TMPRSS9: variants seen among roughly 807,000 people sequenced by gnomAD.
TMPRSS9 encodes transmembrane serine protease 9.
TMPRSS9 carries 113 observed loss-of-function variants against 111.4 expected under a neutral mutation model. The ratio of observed to expected loss-of-function variants is 1.01; its 90% CI spans 0.87 to 1.19. The LOEUF is 1.19. Ranked by LOEUF, TMPRSS9 falls within the 50% of genes most tolerant of loss-of-function variation. The pLI, the probability that TMPRSS9 is intolerant of heterozygous loss-of-function variation, is 0.00. For synonymous variants in TMPRSS9, 805 were observed against 659.1 expected (o/e 1.22, Z -3.39); for missense variants, 1,803 against 1,513.1 (o/e 1.19, Z -3.18).
At chr19:2,363,343 G>A (rs1259082816) in intron 1 of TMPRSS9, among the ~76,000 whole-genome samples, 4 of 152,182 alleles carry the variant, frequency 2.6e-5, no homozygotes, top group South Asian at 2.1e-4. Flanking sequence ...TTGCAGGAAC[G>A]CTGGAGCATC....
At position 2,426,031 on chromosome 19, in the gene TMPRSS9, T is replaced by G. The variant is rs748777015; in HGVS notation, c.3225T>G (p.Gly1075=). ...GCTGTGGCCGGCCCCACTTCCCAGG[T>G]GTCTATACCCGGGTGGCAGCTGTGA... Residue 1075 remains glycine (G), a synonymous_variant, in exon 18 of 18, where the codon GGT becomes GGG. Transcript: ENST00000648592. The G allele has an allele frequency of 7.5e-6, 12 of 1,608,536 alleles. No individual in the cohort carries two copies. The South Asian group carries it at 1.3e-4, about 18-fold the overall frequency.
chr19:2,392,569 C>T (rs1424201310), intron 1 of TMPRSS9, among the ~76,000 whole-genome samples: 2 of 152,232 alleles, frequency 1.3e-5, no homozygotes, highest in South Asian at 2.1e-4. Context: ...TAGCCAGGGC[C>T]GGGCGAAGCC....
At chr19:2,412,896 T>G (rs1177334972) in intron 9 of TMPRSS9, among the ~76,000 whole-genome samples, 1 of 152,006 alleles carries the variant, frequency 6.6e-6, no homozygotes, top group Non-Finnish European at 1.5e-5. Context: ...GGCTCATGTT[T>G]AAGAATGTAA....
intron 13 of TMPRSS9, 127 bp downstream of exon 14, chr19:2,418,265 T>G (rs116050180): frequency 0.057 from 38,840 of 680,632 alleles, 1,587 homozygotes; most frequent in Non-Finnish European, 0.063. Context: ...CTTCCCTCCT[T>G]GTCCTTCCCT....
upstream of TMPRSS9, chr19:2,389,734 G>C (rs1161150086): frequency 6.4e-7 from 1 of 1,571,652 alleles, no homozygotes. Flanking sequence ...CTGACCCCGT[G>C]TTTCTGTCTT....
At chr19:2,386,234 G>A (rs1291263252), upstream of TMPRSS9, among the ~76,000 whole-genome samples, 3 of 152,164 alleles carry the variant, frequency 2.0e-5, no homozygotes, top group African/African-American at 7.2e-5. Context: ...GGCCGGGCAC[G>A]GTGGCTCACG....
chr19:2,363,809 C>T (rs917902068), intron 1 of TMPRSS9, among the ~76,000 whole-genome samples: 21 of 112,788 alleles, frequency 1.9e-4, no homozygotes, highest in African/African-American at 5.3e-4. Context: ...TGTGTGCGTG[C>T]GCGCGTGTGT....
chr19:2,405,855 G>A (rs559269972), intron 7 of TMPRSS9, among the ~76,000 whole-genome samples: 11 of 149,816 alleles, frequency 7.3e-5, no homozygotes, highest in South Asian at 4.2e-4. Context: ...ACAGGCGCCC[G>A]CCACCACGCC....
At chr19:2,418,650 CT>C (rs1269567901) in intron 13 of TMPRSS9, among the ~76,000 whole-genome samples, 2 of 4,638 alleles carry the variant, frequency 4.3e-4, no homozygotes, top group East Asian at 5.3e-3. Context: ...CTTTCCTTCC[CT>C]TCCCTCCCTA....
intron 1 of TMPRSS9, among the ~76,000 whole-genome samples, chr19:2,368,782 T>TTTTTTTTG (rs1970266703): frequency 9.4e-6 from 1 of 105,886 alleles, no homozygotes; most frequent in African/African-American, 5.1e-5. Context: ...CAGTTTTTTT[T>TTTTTTTTG]TTTTTTTTTT....
chr19:2,425,702 CGGCAGAGCA>C, intron 17 of TMPRSS9: 1 of 1,205,008 alleles, frequency 8.3e-7, no homozygotes, highest in Non-Finnish European at 1.1e-6. Context: ...CGGGCCTCGG[CGGCAGAGCA>C]GGCAGAGGCT....
At chr19:2,372,192 C>A (rs891000138) in intron 1 of TMPRSS9, among the ~76,000 whole-genome samples, 1 of 152,096 alleles carries the variant, frequency 6.6e-6, no homozygotes, top group African/African-American at 2.4e-5. Context: ...GTGCGCAGTT[C>A]AGATCTGAGA....
At position 2,401,965 on chromosome 19, in the gene TMPRSS9, T is replaced by A. The variant is rs1256889911; in HGVS notation, c.515-10T>A. The A allele has an allele frequency of 6.8e-6, 11 of 1,609,802 alleles. No individual in the cohort carries two copies. Among genetic ancestry groups the A allele is most frequent in the Non-Finnish European group, 7.6e-6 (9 of 1,177,426 alleles). Reference sequence around the variant, plus strand: ...TTCAGTGAGCTTCTATCTTCTCTGTTTTGTTGCAGGGAGACATAAGGGACC... The same window carrying A: ...TTCAGTGAGCTTCTATCTTCTCTGTATTGTTGCAGGGAGACATAAGGGACC... On this transcript the variant is annotated splice_polypyrimidine_tract_variant and intron_variant, in intron 4 of 17. Transcript: ENST00000648592.
intron 1 of TMPRSS9, among the ~76,000 whole-genome samples, chr19:2,376,652 G>A (rs899973879): frequency 2.6e-5 from 4 of 152,032 alleles, no homozygotes; most frequent in Non-Finnish European, 5.9e-5. Context: ...TAGAGATGGG[G>A]TTTCACCATG....
Position 2,425,857 on chromosome 19 carries a change from G to A in TMPRSS9, c.3121-70G>A, listed in dbSNP as rs947356347. 3.2e-5 allele frequency: 48 copies of A among 1,506,778 alleles called. 1 individual carries two copies. In the South Asian group the frequency reaches 3.8e-4, roughly 12 times the overall value. 93.3% of individuals were successfully genotyped at this position (1,506,778 alleles called of 1,614,324 possible). Reference sequence around the variant, plus strand: ...AAGTCACTAGGGTCACTCCTAGAGGGGCCAATGACCCAAGGGCTGCTGTAG... The same window carrying A: ...AAGTCACTAGGGTCACTCCTAGAGGAGCCAATGACCCAAGGGCTGCTGTAG... On this transcript the variant is annotated intron_variant, in intron 17 of 17. Coordinates refer to ENST00000648592, the Ensembl canonical transcript of TMPRSS9.
intron 12 of TMPRSS9, 106 bp downstream of exon 13, chr19:2,416,915 G>A: frequency 1.9e-5 from 26 of 1,355,162 alleles, no homozygotes; most frequent in Non-Finnish European, 2.5e-5. Flanking sequence ...CAATTCCACT[G>A]CACAGGGACC....
At chr19:2,370,875 T>A (rs1970284432) in intron 1 of TMPRSS9, among the ~76,000 whole-genome samples, 1 of 151,946 alleles carries the variant, frequency 6.6e-6, no homozygotes, top group South Asian at 2.1e-4. Flanking sequence ...GGCAGGAGGA[T>A]CCCTTGAGCC....
chr19:2,372,394 T>C (rs552463456), intron 1 of TMPRSS9, among the ~76,000 whole-genome samples: 16 of 152,230 alleles, frequency 1.1e-4, no homozygotes, highest in African/African-American at 3.6e-4. Flanking sequence ...ATGCCTCTTC[T>C]TGTCAAGGGC....
At chr19:2,370,148 G>A (rs1472839706) in intron 1 of TMPRSS9, among the ~76,000 whole-genome samples, 1 of 152,118 alleles carries the variant, frequency 6.6e-6, no homozygotes, top group African/African-American at 2.4e-5. Flanking sequence ...GGCAGAGATT[G>A]CATTGAGCTG....
Sources: allele counts gnomAD v4.1 joint callset (sites outside exome capture counted in the v4.1 genomes callset), GRCh38; gene constraint gnomAD v4.1.1; transcripts MANE v1.5; gene names NCBI Gene and HGNC (gene_info 2026-07-23, HGNC 2026-07-21).